NAV2: variants seen among roughly 807,000 people sequenced by gnomAD.
NAV2 encodes helicase, APC down-regulated 1.
A neutral mutation model predicts 223.2 loss-of-function variants in NAV2; 54 were observed. The ratio of observed to expected loss-of-function variants is 0.24; its 90% CI spans 0.19 to 0.30. The LOEUF (loss-of-function observed/expected upper bound fraction) is 0.30. Among genes scored for constraint, NAV2 ranks in the 10% least tolerant of loss-of-function variants. The probability of loss-of-function intolerance (pLI) is 1.00; values close to 1 mark genes in which losing one functional copy is unlikely to be tolerated. For missense variants in NAV2, 2,806 were observed against 3,147.5 expected (o/e 0.89, Z 2.60); for synonymous variants, 1,279 against 1,239.3 (o/e 1.03, Z -0.67).
upstream of NAV2, among the ~76,000 whole-genome samples, chr11:19,349,262 A>G (rs186835016): frequency 6.6e-6 from 1 of 152,306 alleles, no homozygotes; most frequent in Non-Finnish European, 1.5e-5. Flanking sequence ...TTCAATTAAG[A>G]GGGATGTACC....
rs188400931 is a variant in NAV2, at chr11:20,000,798, A to T, written c.2768+16551A>T. Among the ~76,000 whole-genome samples, 389 of 152,264 alleles carry T rather than the reference A, an allele frequency of 2.6e-3. 3 individuals are homozygous for T. Among genetic ancestry groups the T allele is most frequent in the Middle Eastern group, 0.02 (6 of 294 alleles). ...GTTTGAGCTCCACTGGAGAGCTGGG[A>T]CGAACGCTTCCTCTCCCTCCCTCAT... On this transcript the variant is annotated intron_variant, in intron 11 of 37. Transcript: ENST00000349880.
intron 1 of NAV2, among the ~76,000 whole-genome samples, chr11:19,757,619 G>C (rs1342007495): frequency 6.6e-6 from 1 of 152,108 alleles, no homozygotes; most frequent in Non-Finnish European, 1.5e-5. Flanking sequence ...GGATTTCTGG[G>C]AAAGTGCTTC....
intron 31 of NAV2, among the ~76,000 whole-genome samples, chr11:20,099,005 G>A (rs2061461265): frequency 6.6e-6 from 1 of 152,186 alleles, no homozygotes; most frequent in Non-Finnish European, 1.5e-5. Flanking sequence ...AGGGGTTTTT[G>A]GGAAAATGTA....
At chr11:19,536,372 C>T (rs529210727) in intron 1 of NAV2, among the ~76,000 whole-genome samples, 1 of 152,272 alleles carries the variant, frequency 6.6e-6, no homozygotes, top group Admixed American at 6.5e-5. Context: ...CACCACTGTA[C>T]TTTTTTCTAA....
intron 1 of NAV2, among the ~76,000 whole-genome samples, chr11:19,469,408 G>A (rs774481483): frequency 3.3e-5 from 5 of 152,174 alleles, no homozygotes; most frequent in African/African-American, 7.2e-5. Context: ...AGAGGATTTC[G>A]TACACTCTGC....
chr11:19,852,209 C>A (rs1436278095), intron 3 of NAV2, among the ~76,000 whole-genome samples: 1 of 152,186 alleles, frequency 6.6e-6, no homozygotes, highest in East Asian at 1.9e-4. Flanking sequence ...GTTGCAGCAG[C>A]AATAGGAAAC....
intron 1 of NAV2, among the ~76,000 whole-genome samples, chr11:19,615,170 T>A (rs9667111): frequency 0.16 from 24,755 of 151,612 alleles, 4,762 homozygotes; most frequent in African/African-American, 0.46. Context: ...ATATTAAATA[T>A]ACAGATGTAT....
chr11:19,894,565 A>G (rs2041795862), intron 6 of NAV2, among the ~76,000 whole-genome samples: 1 of 152,194 alleles, frequency 6.6e-6, no homozygotes, highest in South Asian at 2.1e-4. Flanking sequence ...GTGCCCGCCA[A>G]TGCTAGGACA....
chr11:19,811,099 T>C (rs1349456725), intron 1 of NAV2, among the ~76,000 whole-genome samples: 1 of 152,204 alleles, frequency 6.6e-6, no homozygotes, highest in African/African-American at 2.4e-5. Flanking sequence ...GTGTGTGATT[T>C]ATCGAACTCT....
intron 31 of NAV2, among the ~76,000 whole-genome samples, chr11:20,100,394 A>G (rs1592146445): frequency 6.6e-6 from 1 of 152,142 alleles, no homozygotes; most frequent in East Asian, 1.9e-4. Flanking sequence ...TTTAAAGATA[A>G]AAGTGGTGTT....
At chr11:19,397,125 C>A (rs928291607) in intron 1 of NAV2, among the ~76,000 whole-genome samples, 1 of 152,242 alleles carries the variant, frequency 6.6e-6, no homozygotes, top group African/African-American at 2.4e-5. Context: ...CGGGAGAAAA[C>A]CCAGAGGGCT....
In NAV2 at chr11:19,426,044, C is replaced by T. The variant is rs149484957; in HGVS notation, c.75+75017C>T. 7.9e-5 allele frequency among the ~76,000 whole-genome samples: 12 copies of T among 152,230 alleles called. No homozygotes were observed. The East Asian group carries it at 1.2e-3, about 15-fold the overall frequency. ...TATTATGGGATATTTCCTGAAGTTGCGCTGTTTCAGAGAAATGCACCATTT... is the reference window on the plus strand; with the variant it reads ...TATTATGGGATATTTCCTGAAGTTGTGCTGTTTCAGAGAAATGCACCATTT... On this transcript the variant is annotated intron_variant, in intron 1 of 37. Coordinates refer to the NAV2 transcript ENST00000360655.
chr11:19,536,100 T>A (rs1476974073), intron 1 of NAV2, among the ~76,000 whole-genome samples: 7 of 152,192 alleles, frequency 4.6e-5, no homozygotes, highest in Non-Finnish European at 1.0e-4. Context: ...CTTGGCAATG[T>A]TACGTGCCAA....
chr11:19,366,499 A>G (rs1159217846), intron 1 of NAV2, among the ~76,000 whole-genome samples: 1 of 152,280 alleles, frequency 6.6e-6, no homozygotes, highest in Non-Finnish European at 1.5e-5. Context: ...GTGAGGAAGC[A>G]TGTGGCTGGA....
intron 1 of NAV2, among the ~76,000 whole-genome samples, chr11:19,768,062 G>A (rs2055371946): frequency 6.6e-6 from 1 of 152,242 alleles, no homozygotes; most frequent in African/African-American, 2.4e-5. Context: ...TGGGAAACAG[G>A]GAGTGATGCC....
intron 11 of NAV2, among the ~76,000 whole-genome samples, chr11:20,025,157 T>C (rs1337356330): frequency 3.3e-5 from 5 of 152,208 alleles, no homozygotes; most frequent in African/African-American, 1.2e-4. Context: ...ATAGCCTCTC[T>C]AAGCTTCAGT....
intron 11 of NAV2, among the ~76,000 whole-genome samples, chr11:20,016,551 A>C (rs774932846): frequency 2.0e-5 from 3 of 152,258 alleles, no homozygotes; most frequent in Non-Finnish European, 2.9e-5. Flanking sequence ...TTGAAGCTGA[A>C]AGGCAGCTCA....
intron 1 of NAV2, among the ~76,000 whole-genome samples, chr11:19,819,320 T>A (rs1334345372): frequency 6.6e-6 from 1 of 152,150 alleles, no homozygotes; most frequent in Non-Finnish European, 1.5e-5. Flanking sequence ...GGACTGACAT[T>A]TACTTTGCTT....
chr11:19,794,407 A>G (rs1166720976), intron 1 of NAV2, among the ~76,000 whole-genome samples: 2 of 152,146 alleles, frequency 1.3e-5, no homozygotes, highest in African/African-American at 4.8e-5. Context: ...AGTCTCTTAC[A>G]TCTTTATAGC....
Sources: gnomAD v4.1 joint callset for allele counts (sites outside exome capture counted in the v4.1 genomes callset) on GRCh38, gnomAD v4.1.1 for gene constraint, MANE v1.5 for transcripts, NCBI Gene and HGNC (gene_info 2026-07-23, HGNC 2026-07-21) for gene names.